Variants in ANKRD44 observed in about 807,000 individuals in gnomAD.
ANKRD44 encodes serine/threonine-protein phosphatase 6 regulatory ankyrin repeat subunit B.
Under a neutral mutation model 116.0 loss-of-function variants are expected in ANKRD44, and 35 were observed. That is an observed-to-expected ratio of 0.30 (90% CI 0.23 to 0.40). ANKRD44 has a LOEUF of 0.40. ANKRD44 is among the 10% of genes least tolerant of loss of function. The pLI, the probability that ANKRD44 is intolerant of heterozygous loss-of-function variation, is 1.00. For synonymous variants in ANKRD44, 435 were observed against 461.8 expected (o/e 0.94, Z 0.74); for missense variants, 1,014 against 1,242.6 (o/e 0.82, Z 2.77).
intron 1 of ANKRD44, among the ~76,000 whole-genome samples, chr2:197,238,517 C>A (rs971764436): frequency 2.0e-5 from 3 of 152,086 alleles, no homozygotes; most frequent in African/African-American, 7.2e-5. Flanking sequence ...TCAGTCTAAC[C>A]TAAGGGTAGC....
intron 17 of ANKRD44, among the ~76,000 whole-genome samples, chr2:197,022,170 A>G (rs1180539234): frequency 6.6e-6 from 1 of 152,144 alleles, no homozygotes; most frequent in African/African-American, 2.4e-5. Flanking sequence ...TATCAAGTTA[A>G]TTGCTACTGA....
intron 16 of ANKRD44, among the ~76,000 whole-genome samples, chr2:197,048,519 T>C (rs967452895): frequency 1.3e-5 from 2 of 152,236 alleles, no homozygotes; most frequent in Non-Finnish European, 1.5e-5. Context: ...GGACATGAAC[T>C]CATCCTTTTT....
At chr2:197,116,681 T>C (rs113244165) in intron 8 of ANKRD44, among the ~76,000 whole-genome samples, 1 of 152,180 alleles carries the variant, frequency 6.6e-6, no homozygotes, top group African/African-American at 2.4e-5. Flanking sequence ...TCTGTACTCA[T>C]GCTATTACAT....
At chr2:197,251,863 A>G (rs1244273805) in intron 1 of ANKRD44, among the ~76,000 whole-genome samples, 1 of 152,250 alleles carries the variant, frequency 6.6e-6, no homozygotes, top group African/African-American at 2.4e-5. Flanking sequence ...TCTTAGCTAT[A>G]AAAATATGAA....
chr2:197,260,533 C>T (rs2082573662), intron 1 of ANKRD44, among the ~76,000 whole-genome samples: 1 of 152,034 alleles, frequency 6.6e-6, no homozygotes, highest in African/African-American at 2.4e-5. Context: ...AATAGTGCCG[C>T]TATAAACATA....
intron 8 of ANKRD44, among the ~76,000 whole-genome samples, chr2:197,112,879 G>C (rs1232246288): frequency 6.6e-6 from 1 of 151,442 alleles, no homozygotes; most frequent in South Asian, 2.1e-4. Flanking sequence ...TTTAACACAA[G>C]CATTTTATTA....
intron 1 of ANKRD44, among the ~76,000 whole-genome samples, chr2:197,287,506 T>C (rs1036492602): frequency 6.6e-6 from 1 of 152,192 alleles, no homozygotes; most frequent in Non-Finnish European, 1.5e-5. Context: ...ACACTAGTCA[T>C]CAGACTAGTA....
intron 17 of ANKRD44, among the ~76,000 whole-genome samples, chr2:197,021,845 T>C (rs1011617143): frequency 1.3e-5 from 2 of 152,238 alleles, no homozygotes; most frequent in African/African-American, 4.8e-5. Flanking sequence ...CCAGACCTTT[T>C]AAGATAGGAA....
At position 197,310,657 on chromosome 2, in the gene ANKRD44, A is replaced by C; in HGVS notation, c.-53T>G. On this transcript the variant is annotated 5_prime_UTR_variant, in exon 1 of 28. Transcript: ENST00000282272. The stretch of plus-strand genomic sequence containing the variant: ...TGCAGGTCCCCGGCCCGCAGATGTC[A>C]CGCCGGGAGCCGGGGAAGCGGAAGG... The C allele has an allele frequency of 7.6e-7, 1 of 1,317,708 alleles. No individual in the cohort carries two copies. Among genetic ancestry groups the C allele is most frequent in the Non-Finnish European group, 9.9e-7 (1 of 1,011,944 alleles). 81.6% of individuals were successfully genotyped at this position (1,317,708 alleles called of 1,614,324 possible).
At position 197,218,751 on chromosome 2, in the gene ANKRD44, C is replaced by CTTTTTTTT. The variant is rs138330364; in HGVS notation, c.28-31653_28-31646dup. ...TTCCTGGTATGGGAGGGTAAAGTCC[C>CTTTTTTTT]TTTTTTTTTTTTTTTTTTTTTTTTT... On this transcript the variant is annotated intron_variant, in intron 1 of 27. Transcript: ENST00000282272. Among the ~76,000 whole-genome samples, 115 of 52,336 alleles carry CTTTTTTTT rather than the reference C, an allele frequency of 2.2e-3. 17 individuals carry two copies. The highest frequency in any genetic ancestry group is 6.9e-3 in the African/African-American group (100 of 14,432). 34.3% of individuals were successfully genotyped at this position (52,336 alleles called of 152,430 possible).
At chr2:197,296,224 T>TA (rs1290976671) in intron 1 of ANKRD44, 7 of 152,032 alleles carry the variant, frequency 4.6e-5, no homozygotes, top group Non-Finnish European at 1.0e-4. Context: ...CTGTGTAAAA[T>TA]AATTTGTTAC....
intron 2 of ANKRD44, among the ~76,000 whole-genome samples, chr2:197,186,317 A>G (rs2080658245): frequency 6.6e-6 from 1 of 152,198 alleles, no homozygotes. Context: ...CAGTAGCAAC[A>G]TCAGTAACTG....
At chr2:197,165,171 G>A (rs1336853753) in intron 2 of ANKRD44, among the ~76,000 whole-genome samples, 1 of 152,186 alleles carries the variant, frequency 6.6e-6, no homozygotes, top group African/African-American at 2.4e-5. Flanking sequence ...CGCCCCTTCT[G>A]GCTGGCTGGC....
chr2:197,309,270 T>C (rs1476362461), intron 1 of ANKRD44, among the ~76,000 whole-genome samples: 1 of 152,202 alleles, frequency 6.6e-6, no homozygotes, highest in African/African-American at 2.4e-5. Context: ...CTTACACTTT[T>C]AAATGCTCTG....
chr2:197,018,160 C>A (rs2076427298), intron 17 of ANKRD44, among the ~76,000 whole-genome samples: 2 of 152,214 alleles, frequency 1.3e-5, no homozygotes, highest in African/African-American at 4.8e-5. Flanking sequence ...TGTCCCACTG[C>A]AATCTGTTAT....
chr2:197,002,881 T>C (rs966272392), intron 21 of ANKRD44, among the ~76,000 whole-genome samples: 4 of 152,186 alleles, frequency 2.6e-5, no homozygotes, highest in Non-Finnish European at 5.9e-5. Context: ...TCCCTTATGA[T>C]CTACCTCAGA....
intron 17 of ANKRD44, among the ~76,000 whole-genome samples, chr2:197,022,502 C>G (rs1183858700): frequency 1.3e-5 from 2 of 152,186 alleles, no homozygotes; most frequent in Non-Finnish European, 2.9e-5. Flanking sequence ...AAACTCCTGG[C>G]TCCCTCCACA....
chr2:197,032,610 G>A (rs1167036757), intron 16 of ANKRD44, among the ~76,000 whole-genome samples: 4 of 152,040 alleles, frequency 2.6e-5, no homozygotes, highest in East Asian at 3.9e-4. Flanking sequence ...GGATAGTCTC[G>A]ATCTCCTGAC....
chr2:197,125,524 T>C, intron 5 of ANKRD44, 56 bp from the exon 6 acceptor site: 1 of 1,473,270 alleles, frequency 6.8e-7, no homozygotes, highest in Non-Finnish European at 9.5e-7. Flanking sequence ...TGAGGCCTCC[T>C]CACTGCCTGC....
Sources: gnomAD v4.1 joint callset for allele counts (sites outside exome capture counted in the v4.1 genomes callset) on GRCh38, gnomAD v4.1.1 for gene constraint, MANE v1.5 for transcripts, NCBI Gene and HGNC (gene_info 2026-07-23, HGNC 2026-07-21) for gene names.